MMS22L: variants seen among roughly 807,000 people sequenced by gnomAD.
The protein encoded by MMS22L is protein MMS22-like.
In MMS22L, 74 loss-of-function variants were observed where a neutral mutation model predicts 159.1. The observed-to-expected ratio is 0.47, with a 90% confidence interval of 0.39 to 0.56. MMS22L has a LOEUF of 0.56. Among genes scored for constraint, MMS22L ranks in the 20% least tolerant of loss-of-function variants. The pLI, the probability that MMS22L is intolerant of heterozygous loss-of-function variation, is 0.00. For missense variants in MMS22L, 1,351 were observed against 1,422.1 expected, an observed-to-expected ratio of 0.95 and a Z score of 0.80; for synonymous variants, 517 against 506.9, an observed-to-expected ratio of 1.02 and a Z score of -0.27.
At chr6:97,234,004 A>AG in intron 11 of MMS22L, 24 bp from the exon 12 acceptor site, 1 of 1,602,776 alleles carries the variant, frequency 6.2e-7, no homozygotes, top group Non-Finnish European at 8.5e-7. Context: ...TGAAGTTATG[A>AG]GAAGGTAAAT....
At position 97,254,567 on chromosome 6, in the gene MMS22L, G is replaced by A. The variant is rs1239287187; in HGVS notation, c.1109C>T (p.Pro370Leu). 6.2e-7 allele frequency: 1 copy of A among 1,612,554 alleles called. No homozygotes were observed. The highest frequency in any genetic ancestry group is 1.7e-5 in the Admixed American group (1 of 59,822). Reference protein sequence around the residue: ...SFYKFDRHGVPDEMRKVESNW... With the variant: ...SFYKFDRHGVLDEMRKVESNW... ...AAAATGAAGTCTTACCATTTCATCT[G>A]GTACTCCATGGCGATCAAACTTGTA... The change falls in exon 10 of 25, where the codon CCA (proline) becomes CTA (leucine). Residue 370 changes from proline to leucine, a missense_variant. By Grantham distance (98) the Pro-to-Leu change is moderately conservative. Transcript: ENST00000683635.
chr6:97,267,484 T>C (rs1582847241), intron 8 of MMS22L: 1 of 152,582 alleles, frequency 6.6e-6, no homozygotes, highest in East Asian at 1.9e-4. Context: ...GTAAAGTAAC[T>C]TTAAGTAAGC....
chr6:97,184,366 T>C lies in MMS22L; in HGVS notation c.2233+2131A>G, dbSNP rs533713785. On this transcript the variant is annotated intron_variant, in intron 15 of 24. Transcript: ENST00000683635. ...CTATGGGTGATCTCATCCAGTTTCATGGTTTTAAAGAATTATTTATATATG... is the reference window on the plus strand; with the variant it reads ...CTATGGGTGATCTCATCCAGTTTCACGGTTTTAAAGAATTATTTATATATG... Among the ~76,000 whole-genome samples, 10 of 152,254 alleles carry C rather than the reference T, an allele frequency of 6.6e-5. No homozygotes were observed. In the Middle Eastern group the frequency reaches 0.01, roughly 155 times the overall value.
At chr6:97,275,890 C>T (rs1209518035) in intron 4 of MMS22L, among the ~76,000 whole-genome samples, 1 of 152,028 alleles carries the variant, frequency 6.6e-6, no homozygotes, top group Non-Finnish European at 1.5e-5. Context: ...GTAGTCTCAG[C>T]TACTTGGGAA....
At chr6:97,212,777 C>T (rs1347787998) in intron 14 of MMS22L, among the ~76,000 whole-genome samples, 1 of 152,230 alleles carries the variant, frequency 6.6e-6, no homozygotes, top group African/African-American at 2.4e-5. Flanking sequence ...GTATGATTCA[C>T]ACATACGAAA....
Position 97,263,369 on chromosome 6 carries a change from A to C in MMS22L, c.908T>G (p.Leu303Arg). 1 of 1,591,926 alleles carries C rather than the reference A, an allele frequency of 6.3e-7. No individual in the cohort carries two copies. The highest frequency in any genetic ancestry group is 1.2e-5 in the South Asian group (1 of 86,512). ...AAACCATTTACTTCTGTGGTCTAGA[A>C]GATGAATAAGTAGAACCCATAATTC... The part of the protein sequence containing the change: ...IKELWVLLIH[L>R]LDHRSKWFVS... Residue 303 changes from leucine to arginine, a missense_variant, in exon 9 of 25, where the codon CTT (leucine) becomes CGT (arginine). Leu to Arg is a moderately radical substitution (Grantham distance 102, BLOSUM62 -2). Coordinates refer to ENST00000683635, the MANE Select transcript of MMS22L (RefSeq NM_001350599.2).
chr6:97,188,987 T>A (rs536590565), intron 14 of MMS22L, among the ~76,000 whole-genome samples: 54 of 150,764 alleles, frequency 3.6e-4, no homozygotes, highest in Admixed American at 1.3e-3. Flanking sequence ...ATAATAATAA[T>A]AAATAAAATA....
In MMS22L at chr6:97,159,849, C is replaced by A. The variant is rs145068004; in HGVS notation, c.3385+2153G>T. Among the ~76,000 whole-genome samples, 986 of 150,560 alleles carry A rather than the reference C, an allele frequency of 6.5e-3. 11 individuals are homozygous for A. The highest frequency in any genetic ancestry group is 0.021 in the African/African-American group (882 of 41,140). On this transcript the variant is annotated intron_variant, in intron 22 of 24. Transcript: ENST00000683635. ...ACCTCATAATAAATATGCAAATATTCAAAAATCCAAAAGAATCTGATATAT... is the reference window on the plus strand; with the variant it reads ...ACCTCATAATAAATATGCAAATATTAAAAAATCCAAAAGAATCTGATATAT...
At chr6:97,169,353 T>G (rs1803291083) in intron 19 of MMS22L, among the ~76,000 whole-genome samples, 1 of 152,162 alleles carries the variant, frequency 6.6e-6, no homozygotes, top group Admixed American at 6.6e-5. Flanking sequence ...GTCTCCTTAC[T>G]GAAAAATGAA....
At chr6:97,223,308 T>C (rs1253677040) in intron 14 of MMS22L, among the ~76,000 whole-genome samples, 1 of 146,876 alleles carries the variant, frequency 6.8e-6, no homozygotes, top group Non-Finnish European at 1.5e-5. Context: ...TATTCCCACC[T>C]GAATTTGAAA....
chr6:97,240,587 C>A (rs1447526114), intron 11 of MMS22L, among the ~76,000 whole-genome samples: 4 of 151,800 alleles, frequency 2.6e-5, no homozygotes, highest in Admixed American at 6.6e-5. Flanking sequence ...GGTTTCGGTG[C>A]ACCCATCACC....
intron 4 of MMS22L, among the ~76,000 whole-genome samples, chr6:97,274,196 T>C (rs1816032835): frequency 6.6e-6 from 1 of 152,200 alleles, no homozygotes; most frequent in Non-Finnish European, 1.5e-5. Context: ...GCTACAAATT[T>C]ACAGCCATAC....
chr6:97,168,288 G>C, intron 19 of MMS22L, 48 bp from the exon 20 acceptor site: 1 of 1,545,712 alleles, frequency 6.5e-7, no homozygotes, highest in Non-Finnish European at 8.8e-7. Context: ...CCTCTGACCA[G>C]AACATTTTGT....
chr6:97,175,719 G>A (rs965530042), intron 18 of MMS22L, among the ~76,000 whole-genome samples: 1 of 152,110 alleles, frequency 6.6e-6, no homozygotes, highest in Non-Finnish European at 1.5e-5. Flanking sequence ...CAGAAAATAA[G>A]TATCGGGAAG....
At chr6:97,159,073 CTT>C (rs1367393779) in intron 22 of MMS22L, among the ~76,000 whole-genome samples, 1 of 150,830 alleles carries the variant, frequency 6.6e-6, no homozygotes, top group Non-Finnish European at 1.5e-5. Context: ...GGCCTTGTCT[CTT>C]TTGATCTTTG....
chr6:97,165,972 T>A (rs151046279), intron 20 of MMS22L, among the ~76,000 whole-genome samples: 6,080 of 152,202 alleles, frequency 0.04, 179 homozygotes, highest in Non-Finnish European at 0.063. Context: ...AGTTTTCCTA[T>A]AACAGGCACT....
Position 97,178,565 on chromosome 6 carries a change from A to G in MMS22L, c.2557T>C (p.Leu853=). Residue 853 remains leucine, a synonymous_variant, in exon 18 of 25, where the codon TTG becomes CTG. Coordinates refer to ENST00000683635, the MANE Select transcript of MMS22L (RefSeq NM_001350599.2). ...AATAGTAATCTTGTCAGTTTGACCAACTGTTTCATGTACTCTTTTTCTGTT... is the reference window on the plus strand; with the variant it reads ...AATAGTAATCTTGTCAGTTTGACCAGCTGTTTCATGTACTCTTTTTCTGTT... ...EAVEKEYMKQ[L]VKLTRLLFNL... The G allele has an allele frequency of 1.3e-6, 2 of 1,539,906 alleles. No homozygotes were observed. The highest frequency in any genetic ancestry group is 1.7e-4 in the Middle Eastern group (1 of 5,830).
At chr6:97,256,103 G>A (rs1813777811) in intron 9 of MMS22L, among the ~76,000 whole-genome samples, 1 of 151,624 alleles carries the variant, frequency 6.6e-6, no homozygotes, top group Admixed American at 6.6e-5. Flanking sequence ...ATTTCTATTT[G>A]TATACCTACT....
intron 14 of MMS22L, among the ~76,000 whole-genome samples, chr6:97,215,203 A>G (rs188584946): frequency 2.9e-4 from 44 of 151,426 alleles, no homozygotes; most frequent in Non-Finnish European, 5.3e-4. Flanking sequence ...TTTTCTTTAT[A>G]ATATTTTACT....
Sources: gnomAD v4.1 joint callset for allele counts (sites outside exome capture counted in the v4.1 genomes callset) on GRCh38, gnomAD v4.1.1 for gene constraint, MANE v1.5 for transcripts, NCBI Gene and HGNC (gene_info 2026-07-23, HGNC 2026-07-21) for gene names.